Variants in ACOXL observed in about 807,000 individuals in gnomAD.
ACOXL encodes acyl-CoA oxidase like, also known as acyl-coenzyme A oxidase-like protein.
In ACOXL, 70 loss-of-function variants were observed where a neutral mutation model predicts 71.9. The ratio of observed to expected loss-of-function variants is 0.97; its 90% CI spans 0.80 to 1.19. The LOEUF is 1.19. Among genes scored for constraint, ACOXL ranks in the 50% most tolerant of loss-of-function variants. The pLI, the probability that ACOXL is intolerant of heterozygous loss-of-function variation, is 0.00. For synonymous variants in ACOXL, 253 were observed against 281.6 expected, an observed-to-expected ratio of 0.90 and a Z score of 1.02; for missense variants, 703 against 736.3, an observed-to-expected ratio of 0.95 and a Z score of 0.52.
intron 12 of ACOXL, among the ~76,000 whole-genome samples, chr2:110,962,260 T>C (rs1198500923): frequency 6.6e-6 from 1 of 152,232 alleles, no homozygotes; most frequent in Non-Finnish European, 1.5e-5. Context: ...ACTGTAGCCT[T>C]ATGCGGAAAT....
intron 14 of ACOXL, among the ~76,000 whole-genome samples, chr2:111,021,681 A>G (rs939465018): frequency 6.6e-6 from 1 of 152,192 alleles, no homozygotes; most frequent in African/African-American, 2.4e-5. Context: ...GAGGAAACCA[A>G]GTTTAATAGA....
At chr2:110,907,482 G>A (rs771341823) in intron 10 of ACOXL, among the ~76,000 whole-genome samples, 4 of 152,102 alleles carry the variant, frequency 2.6e-5, no homozygotes, top group African/African-American at 4.8e-5. Flanking sequence ...AAGCTGAGAG[G>A]TTTCCCTGTA....
intron 9 of ACOXL, among the ~76,000 whole-genome samples, chr2:110,820,049 CAG>C (rs1166270771): frequency 1.3e-5 from 2 of 152,198 alleles, no homozygotes; most frequent in African/African-American, 4.8e-5. Context: ...GCCTGACACT[CAG>C]GGGCTCCTCC....
intron 12 of ACOXL, among the ~76,000 whole-genome samples, chr2:110,953,580 A>C (rs766762042): frequency 6.6e-6 from 1 of 152,116 alleles, no homozygotes. Context: ...TGATCTATCA[A>C]TTATTGAGAG....
At chr2:110,782,363 A>G (rs1161253476) in intron 2 of ACOXL, among the ~76,000 whole-genome samples, 4 of 152,244 alleles carry the variant, frequency 2.6e-5, no homozygotes, top group African/African-American at 9.6e-5. Context: ...AGAATTGAAG[A>G]AGATAGGGAA....
intron 9 of ACOXL, among the ~76,000 whole-genome samples, chr2:110,818,393 CA>C (rs11314019): frequency 0.83 from 42,879 of 51,582 alleles, 17,645 homozygotes; most frequent in Non-Finnish European, 0.9. Flanking sequence ...GACTCTGTCT[CA>C]AAAAAAAAAA....
chr2:110,736,575 C>T (rs1211214989), intron 1 of ACOXL, among the ~76,000 whole-genome samples: 2 of 151,630 alleles, frequency 1.3e-5, no homozygotes, highest in African/African-American at 2.4e-5. Context: ...TTTTTGAAGG[C>T]TGAATAATAT....
chr2:110,786,877 A>G (rs1432902181), intron 3 of ACOXL, among the ~76,000 whole-genome samples: 2 of 152,242 alleles, frequency 1.3e-5, no homozygotes, highest in African/African-American at 4.8e-5. Context: ...TCAGTTGGGG[A>G]AATCTGAGCA....
intron 16 of ACOXL, among the ~76,000 whole-genome samples, chr2:111,087,867 A>C (rs1303772609): frequency 6.6e-6 from 1 of 152,236 alleles, no homozygotes; most frequent in Non-Finnish European, 1.5e-5. Context: ...ACCAACTTAC[A>C]GAATGGGAGA....
chr2:111,022,012 G>GA (rs1196820517), intron 14 of ACOXL, among the ~76,000 whole-genome samples: 1 of 152,094 alleles, frequency 6.6e-6, no homozygotes, highest in Admixed American at 6.5e-5. Context: ...AGAGAGAGAT[G>GA]AAAAAATACA....
Position 110,766,677 on chromosome 2 carries a change from G to A in ACOXL, c.-22-1691G>A, listed in dbSNP as rs184825169. Among the ~76,000 whole-genome samples, 190 of 152,302 alleles carry A rather than the reference G, an allele frequency of 1.2e-3. 1 individual carries two copies. Among genetic ancestry groups the A allele is most frequent in the Admixed American group, 3.3e-3 (51 of 15,306 alleles). ...CTTTTTCCTTGTTAATACCGAGTAG[G>A]GGTGAAGTCTCAGCTTCCCATTGGG... On this transcript the variant is annotated intron_variant, in intron 1 of 17. Coordinates refer to ENST00000439055, the MANE Select transcript of ACOXL (RefSeq NM_001142807.4).
chr2:110,857,725 A>G (rs368005477), intron 10 of ACOXL, among the ~76,000 whole-genome samples: 3 of 151,572 alleles, frequency 2.0e-5, no homozygotes, highest in East Asian at 1.9e-4. Context: ...TTGTTGATTA[A>G]TTGATTGATT....
At chr2:111,027,150 G>A (rs1030065797) in intron 14 of ACOXL, among the ~76,000 whole-genome samples, 2 of 152,040 alleles carry the variant, frequency 1.3e-5, no homozygotes, top group Non-Finnish European at 2.9e-5. Flanking sequence ...ACCCACCTCA[G>A]CCTCTAAAGT....
intron 12 of ACOXL, among the ~76,000 whole-genome samples, chr2:110,962,123 A>G (rs1054798200): frequency 2.0e-5 from 3 of 152,246 alleles, no homozygotes; most frequent in African/African-American, 7.2e-5. Context: ...AAATAGGGAT[A>G]ATGCCTTCTT....
intron 12 of ACOXL, among the ~76,000 whole-genome samples, chr2:110,940,017 C>G (rs548819739): frequency 1.3e-5 from 2 of 152,196 alleles, no homozygotes; most frequent in Non-Finnish European, 2.9e-5. Flanking sequence ...ATTATTTTGA[C>G]CTTAACCTGA....
At chr2:111,056,340 GTCCCC>G (rs2066535549) in intron 16 of ACOXL, among the ~76,000 whole-genome samples, 1 of 152,008 alleles carries the variant, frequency 6.6e-6, no homozygotes, top group Non-Finnish European at 1.5e-5. Context: ...ACTCCTAGAG[GTCCCC>G]TGCAAGTGCC....
intron 11 of ACOXL, among the ~76,000 whole-genome samples, chr2:110,915,036 A>G (rs896325262): frequency 6.6e-6 from 1 of 152,230 alleles, no homozygotes; most frequent in Admixed American, 6.5e-5. Flanking sequence ...TTTAAAATGT[A>G]CAATTAAGTT....
intron 10 of ACOXL, among the ~76,000 whole-genome samples, chr2:110,874,210 T>C (rs1173801588): frequency 2.0e-5 from 3 of 152,142 alleles, no homozygotes; most frequent in Non-Finnish European, 4.4e-5. Context: ...CAGAATGCTT[T>C]TGGGGGGGTG....
At chr2:110,839,179 C>G (rs1690831285) in intron 9 of ACOXL, among the ~76,000 whole-genome samples, 1 of 151,754 alleles carries the variant, frequency 6.6e-6, no homozygotes. Context: ...CCTCTCCCTA[C>G]TCCAGCAAGG....
Sources: gnomAD v4.1 joint callset for allele counts (sites outside exome capture counted in the v4.1 genomes callset) on GRCh38, gnomAD v4.1.1 for gene constraint, MANE v1.5 for transcripts, NCBI Gene and HGNC (gene_info 2026-07-23, HGNC 2026-07-21) for gene names.